ROBO1: variants seen among roughly 807,000 people sequenced by gnomAD.
The protein encoded by ROBO1 is roundabout guidance receptor 1, also known as roundabout homolog 1.
In ROBO1, 149 loss-of-function variants were observed where a neutral mutation model predicts 195.9. The observed-to-expected ratio is 0.76, with a 90% CI of 0.67 to 0.87. ROBO1 has a LOEUF of 0.87. ROBO1 is among the 40% of genes least tolerant of loss of function. The probability of loss-of-function intolerance (pLI) is 0.00; values close to 1 mark genes in which losing one functional copy is unlikely to be tolerated. For missense variants in ROBO1, 1,933 were observed against 2,068.3 expected, an observed-to-expected ratio of 0.93 and a Z score of 1.27; for synonymous variants, 816 against 733.2, an observed-to-expected ratio of 1.11 and a Z score of -1.82.
intron 4 of ROBO1, among the ~76,000 whole-genome samples, chr3:78,854,316 T>TA (rs1208613723): frequency 6.8e-6 from 1 of 147,856 alleles, no homozygotes; most frequent in African/African-American, 2.5e-5. Context: ...ATATAATTTT[T>TA]ATTAGTATAT....
intron 2 of ROBO1, among the ~76,000 whole-genome samples, chr3:79,225,165 T>TG (rs536247792): frequency 2.0e-5 from 3 of 152,078 alleles, no homozygotes; most frequent in Non-Finnish European, 4.4e-5. Context: ...AGTAATTCTT[T>TG]GGGGGGGAAA....
At chr3:79,324,164 G>A (rs1447744130) in intron 2 of ROBO1, among the ~76,000 whole-genome samples, 1 of 152,106 alleles carries the variant, frequency 6.6e-6, no homozygotes, top group African/African-American at 2.4e-5. Context: ...TAAGCCTTTA[G>A]GTGAAGAACA....
intron 3 of ROBO1, among the ~76,000 whole-genome samples, chr3:79,070,720 T>G (rs896891817): frequency 6.6e-6 from 1 of 151,808 alleles, no homozygotes; most frequent in Non-Finnish European, 1.5e-5. Flanking sequence ...ATCTTTAATC[T>G]GAAGAGCCAT....
At chr3:79,619,469 A>T (rs1944934092) in intron 1 of ROBO1, among the ~76,000 whole-genome samples, 1 of 152,108 alleles carries the variant, frequency 6.6e-6, no homozygotes, top group South Asian at 2.1e-4. Flanking sequence ...TAATGGTTCT[A>T]AATGGCCAGA....
chr3:78,612,636 G>A (rs1703889236), intron 28 of ROBO1, among the ~76,000 whole-genome samples: 1 of 152,078 alleles, frequency 6.6e-6, no homozygotes, highest in Non-Finnish European at 1.5e-5. Context: ...TTGTTATTTT[G>A]TGTTTCTTTA....
intron 1 of ROBO1, among the ~76,000 whole-genome samples, chr3:79,733,189 T>G (rs1414914733): frequency 1.3e-5 from 2 of 152,178 alleles, no homozygotes; most frequent in Non-Finnish European, 2.9e-5. Flanking sequence ...CATCACTCAT[T>G]TTTTCATCTA....
At chr3:79,229,108 T>G (rs1029056531) in intron 2 of ROBO1, among the ~76,000 whole-genome samples, 2 of 152,186 alleles carry the variant, frequency 1.3e-5, no homozygotes. Flanking sequence ...GTGCAAAAAG[T>G]TAACTTATAT....
At chr3:79,374,857 A>T (rs2036328994) in intron 2 of ROBO1, among the ~76,000 whole-genome samples, 1 of 152,066 alleles carries the variant, frequency 6.6e-6, no homozygotes, top group Non-Finnish European at 1.5e-5. Context: ...TCTAATTCAT[A>T]TTAACTAAAT....
At chr3:79,427,447 G>A (rs1044208935) in intron 2 of ROBO1, among the ~76,000 whole-genome samples, 2 of 152,126 alleles carry the variant, frequency 1.3e-5, no homozygotes, top group African/African-American at 4.8e-5. Flanking sequence ...TTTAGGGGAC[G>A]CAATTCTAAT....
intron 2 of ROBO1, among the ~76,000 whole-genome samples, chr3:79,506,971 A>G (rs948419712): frequency 1.3e-5 from 2 of 152,106 alleles, no homozygotes; most frequent in East Asian, 1.9e-4. Context: ...TCAGGTTACA[A>G]CACACTGCCA....
At chr3:79,128,433 A>G (rs2080258459) in intron 2 of ROBO1, among the ~76,000 whole-genome samples, 1 of 152,190 alleles carries the variant, frequency 6.6e-6, no homozygotes, top group African/African-American at 2.4e-5. Flanking sequence ...ATAAATTAGT[A>G]AAGAGATGGT....
intron 7 of ROBO1, 57 bp from the exon 8 acceptor site, chr3:78,714,581 T>C: frequency 6.6e-7 from 1 of 1,517,140 alleles, no homozygotes; most frequent in Non-Finnish European, 9.0e-7. Context: ...AAAGATCTCA[T>C]TATTATACAC....
intron 17 of ROBO1, 26 bp downstream of exon 17, chr3:78,659,660 A>AAT (rs10662787): frequency 0.013 from 17,148 of 1,324,714 alleles, 446 homozygotes; most frequent in African/African-American, 0.13. Context: ...TCAGGACATT[A>AAT]ATATATATAT....
intron 2 of ROBO1, among the ~76,000 whole-genome samples, chr3:79,291,881 AGAG>A (rs1347352577): frequency 6.6e-6 from 1 of 152,238 alleles, no homozygotes; most frequent in Admixed American, 6.5e-5. Flanking sequence ...CAAATATTTA[AGAG>A]GAGGAGAATA....
intron 2 of ROBO1, among the ~76,000 whole-genome samples, chr3:79,374,249 A>C (rs1293062531): frequency 1.3e-5 from 2 of 152,164 alleles, no homozygotes. Context: ...GTCTCTTATG[A>C]AATATGTAAA....
intron 2 of ROBO1, among the ~76,000 whole-genome samples, chr3:79,304,810 A>T (rs542109343): frequency 6.6e-6 from 1 of 152,208 alleles, no homozygotes; most frequent in South Asian, 2.1e-4. Context: ...ATTTGTAAAC[A>T]TTTGTTTACA....
intron 2 of ROBO1, among the ~76,000 whole-genome samples, chr3:79,579,126 A>C (rs1943582033): frequency 6.6e-6 from 1 of 152,168 alleles, no homozygotes; most frequent in Non-Finnish European, 1.5e-5. Context: ...TGTGACTGGC[A>C]TTGACTGTGA....
intron 5 of ROBO1, among the ~76,000 whole-genome samples, chr3:78,738,975 A>G (rs1189077162): frequency 1.3e-5 from 2 of 152,222 alleles, no homozygotes; most frequent in African/African-American, 2.4e-5. Context: ...ACAGTTGTAG[A>G]CATAGAGAAT....
chr3:79,326,712 T>G (rs1230858848), intron 2 of ROBO1, among the ~76,000 whole-genome samples: 1 of 152,218 alleles, frequency 6.6e-6, no homozygotes, highest in Non-Finnish European at 1.5e-5. Flanking sequence ...GGACAATTTT[T>G]CTACTTCACA....
Sources: gnomAD v4.1 joint callset for allele counts (sites outside exome capture counted in the v4.1 genomes callset) on GRCh38, gnomAD v4.1.1 for gene constraint, MANE v1.5 for transcripts, NCBI Gene and HGNC (gene_info 2026-07-23, HGNC 2026-07-21) for gene names.